Variants in CHRNG observed in about 807,000 individuals in gnomAD.
CHRNG encodes the protein cholinergic receptor nicotinic gamma subunit.
In CHRNG, 72 loss-of-function variants were observed where a neutral mutation model predicts 65.2. The ratio of observed to expected loss-of-function variants is 1.10; its 90% CI spans 0.91 to 1.34. The LOEUF is 1.34. CHRNG is among the 40% of genes most tolerant of loss of function. The pLI, the probability that CHRNG is intolerant of heterozygous loss-of-function variation, is 0.00. For missense variants in CHRNG, 637 were observed against 680.1 expected (o/e 0.94, Z 0.70); for synonymous variants, 284 against 290.2 (o/e 0.98, Z 0.22).
chr2:232,543,419 A>G, intron 8 of CHRNG, 30 bp downstream of exon 8: 1 of 1,504,510 alleles, frequency 6.6e-7, no homozygotes, highest in South Asian at 1.1e-5. Flanking sequence ...CCACCCGCCT[A>G]TGCCACTCTC....
Position 232,539,807 on chromosome 2 carries a change from G to A in CHRNG, c.55+5G>A. ...TGCTGCTGGCTGTCTGCCTGGGTGG[G>A]ACACAAAGGAATCTCAGCCTGGGGA... is the stretch of plus-strand genomic sequence containing the variant. On this transcript the variant is annotated splice_donor_5th_base_variant and intron_variant, in intron 1 of 11. Coordinates refer to ENST00000651502, the MANE Select transcript of CHRNG (RefSeq NM_005199.5). 1 of 1,613,734 alleles carries A rather than the reference G, an allele frequency of 6.2e-7. No individual in the cohort carries two copies. Among genetic ancestry groups the A allele is most frequent in the African/African-American group, 1.3e-5 (1 of 75,028 alleles).
Position 232,541,324 on chromosome 2 carries a change from T to G in CHRNG, c.351-50T>G. The G allele has an allele frequency of 2.5e-6, 4 of 1,611,724 alleles. No individual in the cohort carries two copies. Among genetic ancestry groups the G allele is most frequent in the Non-Finnish European group, 3.4e-6 (4 of 1,179,102 alleles). ...CAGGGGCTGGTCTGGGGCTGGGGTGTCGGGGGCTGAGCCCACAGCCTCGTG... is the reference window on the plus strand; with the variant it reads ...CAGGGGCTGGTCTGGGGCTGGGGTGGCGGGGGCTGAGCCCACAGCCTCGTG... On this transcript the variant is annotated intron_variant, in intron 4 of 11. Coordinates refer to ENST00000651502, the MANE Select transcript of CHRNG (RefSeq NM_005199.5). The surrounding 1 kb of genome is among the most constrained non-coding windows in gnomAD (Gnocchi z 4.0).
In CHRNG at chr2:232,541,576, G is replaced by A; in HGVS notation, c.506+47G>A. 1 of 1,606,002 alleles carries A rather than the reference G, an allele frequency of 6.2e-7. No individual in the cohort carries two copies. The highest frequency in any genetic ancestry group is 1.3e-5 in the African/African-American group (1 of 75,028). Reference sequence around the variant, plus strand: ...GATTAAGAGAGCTGCTCTCAGAGGGGCCTGGGCAGTGGTGGGGTAAGGCCT... The same window carrying A: ...GATTAAGAGAGCTGCTCTCAGAGGGACCTGGGCAGTGGTGGGGTAAGGCCT... On this transcript the variant is annotated intron_variant, in intron 5 of 11. Coordinates refer to ENST00000651502, the MANE Select transcript of CHRNG (RefSeq NM_005199.5). The surrounding 1 kb of genome is among the most constrained non-coding windows in gnomAD (Gnocchi z 4.0).
Position 232,543,391 on chromosome 2 carries a change from T to G in CHRNG, c.920+2T>G, listed in dbSNP as rs1451281576. Reference sequence around the variant, plus strand: ...CCAGGCGGTGCCACTCATCAGCAAGTAAGGCTGGTCTTCATGTCCACCCGC... The same window carrying G: ...CCAGGCGGTGCCACTCATCAGCAAGGAAGGCTGGTCTTCATGTCCACCCGC... On this transcript the variant is annotated splice_donor_variant, in intron 8 of 11. Coordinates refer to ENST00000651502, the MANE Select transcript of CHRNG (RefSeq NM_005199.5). LOFTEE classifies it high-confidence loss of function. 6.2e-7 allele frequency: 1 copy of G among 1,604,180 alleles called. No homozygotes were observed. Among genetic ancestry groups the G allele is most frequent in the African/African-American group, 1.3e-5 (1 of 74,710 alleles).
Position 232,541,389 on chromosome 2 carries a change from C to T in CHRNG, c.366C>T (p.Phe122=), listed in dbSNP as rs753759008. ...GTGCATACAGCGTGGACGGTGTCTT[C>T]GAGGTGGCCCTCTACTGCAATGTGC... is the stretch of plus-strand genomic sequence containing the variant. ...IVLENNVDGV[F]EVALYCNVLV... The change falls in exon 5 of 12, where the codon TTC becomes TTT. Residue 122 remains phenylalanine, a synonymous_variant. Transcript: ENST00000651502. This position sits in a 1 kb window ranked among gnomAD's most constrained non-coding sequence, Gnocchi z 4.0. The T allele has an allele frequency of 3.5e-5, 57 of 1,613,972 alleles. No individual in the cohort carries two copies. In the Admixed American group the frequency reaches 5.0e-4, roughly 14 times the overall value.
chr2:232,540,807 G>C lies in CHRNG; in HGVS notation c.350+96G>C. On this transcript the variant is annotated intron_variant, in intron 4 of 11. Transcript: ENST00000651502. The surrounding 1 kb of genome is among the most constrained non-coding windows in gnomAD (Gnocchi z 4.2). ...CTCTGGGAAAAGAGAAAGATGAGCA[G>C]AGGGTGCAAATCGGGCACCTGTGGG... The C allele has an allele frequency of 8.4e-7, 1 of 1,186,608 alleles. No individual in the cohort carries two copies. Among genetic ancestry groups the C allele is most frequent in the Non-Finnish European group, 1.2e-6 (1 of 826,894 alleles). The allele number at this position is 1,186,608 out of a possible 1,614,324, so 73.5% of individuals were successfully genotyped here.
At chr2:232,543,194 C>A (rs566102476) in intron 7 of CHRNG, 81 bp from the exon 8 acceptor site, 284 of 1,513,064 alleles carry the variant, frequency 1.9e-4, no homozygotes, top group Non-Finnish European at 2.5e-4. Flanking sequence ...ACAGAGGCAG[C>A]GGGCTACTTC....
Position 232,545,950 on chromosome 2 carries a change from G to A in CHRNG, c.*234G>A, listed in dbSNP as rs1032479459. 16 of 623,188 alleles carry A rather than the reference G, an allele frequency of 2.6e-5. No homozygotes were observed. The highest frequency in any genetic ancestry group is 2.5e-4 in the African/African-American group (14 of 55,568). 38.6% of individuals were successfully genotyped at this position (623,188 alleles called of 1,614,324 possible). On this transcript the variant is annotated 3_prime_UTR_variant, in exon 12 of 12. Transcript: ENST00000651502. ...CTGCAGTCAGCACACACGTGGGATT[G>A]GCTAGCTCATCCTGGCACCAGCCAC...
chr2:232,541,651 A>G lies in CHRNG; in HGVS notation c.506+122A>G. ...TGGCAGCACCTAGAGGCCTGGCTCC[A>G]TCTCCCCTGGGCCTCTGTGCCCATC... On this transcript the variant is annotated intron_variant, in intron 5 of 11. Transcript: ENST00000651502. The surrounding 1 kb of genome is among the most constrained non-coding windows in gnomAD (Gnocchi z 4.0). 1 of 1,236,632 alleles carries G rather than the reference A, an allele frequency of 8.1e-7. No homozygotes were observed. The allele number at this position is 1,236,632 out of a possible 1,614,324, so 76.6% of individuals were successfully genotyped here. A position where few individuals can be genotyped will look rare whatever the true frequency, so the allele number is the denominator to read the frequency against.
chr2:232,543,457 C>A, intron 8 of CHRNG, 68 bp downstream of exon 8: 1 of 1,307,110 alleles, frequency 7.7e-7, no homozygotes, highest in Non-Finnish European at 1.1e-6. Context: ...TGGCCTCCTG[C>A]ATTGCCCTCT....
Position 232,543,676 on chromosome 2 carries a change from T to C in CHRNG, c.1012T>C (p.Ser338Pro), listed in dbSNP as rs776733115. Residue 338 changes from serine to proline, a missense_variant, in exon 9 of 12, where the codon TCC (serine) becomes CCC (proline). Physicochemically the swap from Ser to Pro is moderately conservative, Grantham distance 74 (BLOSUM62 -1). Transcript: ENST00000651502. ...NVSLRSPHTH[S>P]MARGVRKVFL... ...CTCCTTGCGGTCTCCACACACACAC[T>C]CCATGGCCCGAGGGGTCCGCAAGGC... 371 of 1,610,692 alleles carry C rather than the reference T, an allele frequency of 2.3e-4. No homozygotes were observed. Among genetic ancestry groups the C allele is most frequent in the Non-Finnish European group, 2.9e-4 (337 of 1,177,116 alleles).
Position 232,540,195 on chromosome 2 carries a change from G to C in CHRNG, c.195+64G>C, listed in dbSNP as rs960497171. 5.6e-6 allele frequency: 9 copies of C among 1,613,286 alleles called. No homozygotes were observed. Among genetic ancestry groups the C allele is most frequent in the Non-Finnish European group, 6.8e-6 (8 of 1,179,566 alleles). ...CCTGGGACCTGCTGGGGATAGCATG[G>C]GGTGGCTCCAGCCACCAAGAGGTTG... is the stretch of plus-strand genomic sequence containing the variant. On this transcript the variant is annotated intron_variant, in intron 2 of 11. Coordinates refer to ENST00000651502, the MANE Select transcript of CHRNG (RefSeq NM_005199.5). This position sits in a 1 kb window ranked among gnomAD's most constrained non-coding sequence, Gnocchi z 4.2.
At position 232,540,662 on chromosome 2, in the gene CHRNG, A is replaced by T. The variant is rs1348856954; in HGVS notation, c.301A>T (p.Arg101Trp). Residue 101 changes from arginine to tryptophan, a missense_variant, in exon 4 of 12, where the codon AGG becomes TGG. By Grantham distance (101) the Arg-to-Trp change is moderately radical (BLOSUM62 -3). Coordinates refer to ENST00000651502, the MANE Select transcript of CHRNG (RefSeq NM_005199.5). The surrounding 1 kb of genome is among the most constrained non-coding windows in gnomAD (Gnocchi z 4.2). The stretch of plus-strand genomic sequence containing the variant: ...AGACTACGAAGGCCTGTGGGTGCTG[A>T]GGGTGCCGTCCACCATGGTGTGGCG... ...PRDYEGLWVL[R>W]VPSTMVWRPD... 1.9e-6 allele frequency: 3 copies of T among 1,613,186 alleles called. No homozygotes were observed. Among genetic ancestry groups the T allele is most frequent in the South Asian group, 2.2e-5 (2 of 91,080 alleles).
At position 232,544,514 on chromosome 2, in the gene CHRNG, C is replaced by T. The variant is rs777663481; in HGVS notation, c.1183C>T (p.Arg395Cys). 46 of 1,613,760 alleles carry T rather than the reference C, an allele frequency of 2.9e-5. No individual in the cohort carries two copies. The highest frequency in any genetic ancestry group is 8.0e-5 in the African/African-American group (6 of 74,930). Residue 395 changes from arginine (R) to cysteine (C), a missense_variant, in exon 10 of 12, where the codon CGC (arginine) becomes TGC (cysteine). Transcript: ENST00000651502. ...GGAGGAGGTGGCCCTCTGCCTGCCT[C>T]GCAGTGAACTCCTCTTCCAGCAGTG... ...TGEEVALCLP[R>C]SELLFQQWQR...
At position 232,540,628 on chromosome 2, in the gene CHRNG, G is replaced by A; in HGVS notation, c.267G>A (p.Trp89Ter). 1 of 1,612,774 alleles carries A rather than the reference G, an allele frequency of 6.2e-7. No individual in the cohort carries two copies. Among genetic ancestry groups the A allele is most frequent in the Non-Finnish European group, 8.5e-7 (1 of 1,179,976 alleles). ...EMQWCDYRLRWDPRDYEGLWV... is the reference protein window; with the variant it reads ...EMQWCDYRLR The stretch of plus-strand genomic sequence containing the variant: ...AGTGGTGCGACTATCGCCTGCGCTG[G>A]GATCCGCGAGACTACGAAGGCCTGT... Residue 89 changes from tryptophan (W) to a stop codon, truncating the protein, a stop_gained, in exon 4 of 12, where the codon TGG becomes TGA. Transcript: ENST00000651502. LOFTEE classifies it high-confidence loss of function. The surrounding 1 kb of genome is among the most constrained non-coding windows in gnomAD (Gnocchi z 4.2).
Position 232,544,915 on chromosome 2 carries a change from AGGGTGG to A in CHRNG, c.1380+16_1380+21del. The A allele has an allele frequency of 6.2e-7, 1 of 1,613,744 alleles. No individual in the cohort carries two copies. On this transcript the variant is annotated intron_variant, in intron 11 of 11. Transcript: ENST00000651502. ...TCACTTTGACAATGTAAGCTGAGTC[AGGGTGG>A]GGTGGAGGTGGAGTGAGTACCTGGG...
Position 232,542,933 on chromosome 2 carries a change from C to T in CHRNG, c.656C>T (p.Pro219Leu). ...CGACCAGCCAAGATGCTCCTGGACC[C>T]AGCGGCGCCAGCCCAGGAAGCAGGC... ...QHRPAKMLLDPAAPAQEAGHQ... is the reference protein window; with the variant it reads ...QHRPAKMLLDLAAPAQEAGHQ... The change falls in exon 7 of 12, where the codon CCA (proline) becomes CTA (leucine). Residue 219 changes from proline to leucine, a missense_variant. Physicochemically the swap from Pro to Leu is moderately conservative, Grantham distance 98. Coordinates refer to ENST00000651502, the MANE Select transcript of CHRNG (RefSeq NM_005199.5). The T allele has an allele frequency of 6.2e-7, 1 of 1,614,146 alleles. No homozygotes were observed. The highest frequency in any genetic ancestry group is 8.5e-7 in the Non-Finnish European group (1 of 1,180,008).
In CHRNG at chr2:232,546,137, G is replaced by A. The variant is rs1199460442; in HGVS notation, c.*421G>A. 5 of 319,402 alleles carry A rather than the reference G, an allele frequency of 1.6e-5. No homozygotes were observed. The highest frequency in any genetic ancestry group is 2.5e-5 in the Non-Finnish European group (4 of 162,528). 19.8% of individuals were successfully genotyped at this position (319,402 alleles called of 1,614,324 possible). On this transcript the variant is annotated 3_prime_UTR_variant, in exon 12 of 12. Coordinates refer to ENST00000651502, the MANE Select transcript of CHRNG (RefSeq NM_005199.5). The stretch of plus-strand genomic sequence containing the variant: ...GCAGTCACAAGAGGTGTGAAGAGTA[G>A]CAGCCGATGCTCTCTCCAAAGCAGG...
Position 232,543,027 on chromosome 2 carries a change from C to T in CHRNG, c.750C>T (p.Ala250=). 6.2e-7 allele frequency: 1 copy of T among 1,614,260 alleles called. No homozygotes were observed. ...TCTTCTACGTCATCAACATCATCGC[C>T]CCCTGTGTGCTCATCTCCTCTGTCG... ...KPLFYVINII[A]PCVLISSVAI... The change falls in exon 7 of 12, where the codon GCC becomes GCT. Residue 250 remains alanine, a synonymous_variant. Transcript: ENST00000651502.
Sources: gnomAD v4.1 joint callset for allele counts on GRCh38, gnomAD v4.1.1 for gene constraint, Gnocchi (gnomAD v3.1) non-coding constraint, MANE v1.5 for transcripts, NCBI Gene and HGNC (gene_info 2026-07-23, HGNC 2026-07-21) for gene names.